The following LSM14A variants were observed in gnomAD, a reference collection of about 807,000 sequenced individuals.
LSM14A encodes LSM14A mRNA processing body assembly factor, also known as protein LSM14 homolog A.
Under a neutral mutation model 52.4 loss-of-function variants are expected in LSM14A, and 14 were observed. The observed-to-expected ratio is 0.27, with a 90% confidence interval of 0.18 to 0.42. The LOEUF (loss-of-function observed/expected upper bound fraction) is 0.42, where lower values mean the gene tolerates loss of function less well. Among genes scored for constraint, LSM14A ranks in the 10% least tolerant of loss-of-function variants. The pLI, the probability that LSM14A is intolerant of heterozygous loss-of-function variation, is 1.00. For missense variants in LSM14A, 417 were observed against 581.8 expected, an observed-to-expected ratio of 0.72 and a Z score of 2.91; for synonymous variants, 185 against 200.3, an observed-to-expected ratio of 0.92 and a Z score of 0.64.
In LSM14A at chr19:34,194,448, C is replaced by G. The variant is rs1160990580; in HGVS notation, c.122-30C>G. 1.9e-6 allele frequency: 3 copies of G among 1,604,140 alleles called. No homozygotes were observed. In the African/African-American group the frequency reaches 4.0e-5, roughly 21 times the overall value. On this transcript the variant is annotated intron_variant, in intron 1 of 9. Transcript: ENST00000544216. ...ACTACCTGAATGTGATGAGTAGTCA[C>G]ACATCTCATATCCTTTGTTTTCTTG...
In LSM14A at chr19:34,215,260, TG is replaced by T; in HGVS notation, c.676del (p.Ala226ProfsTer35). ...CTGTATCAACCAGGCCTTTGCCATC[TG>T]CCAGCCAAAAGGCAGGAGAGAATCA... ...SPVSTRPLPS[A>X]SQKAGENQEH... On this transcript the variant is annotated frameshift_variant, in exon 5 of 10. Transcript: ENST00000544216. LOFTEE classifies it high-confidence loss of function. 6.2e-7 allele frequency: 1 copy of T among 1,613,960 alleles called. No homozygotes were observed. Among genetic ancestry groups the T allele is most frequent in the South Asian group, 1.1e-5 (1 of 91,024 alleles).
intron 1 of LSM14A, among the ~76,000 whole-genome samples, chr19:34,182,194 G>C (rs776747989): frequency 2.2e-4 from 33 of 152,134 alleles, no homozygotes; most frequent in Non-Finnish European, 1.2e-4. Context: ...AATTTTACTT[G>C]AGTGAATCTT....
intron 4 of LSM14A, among the ~76,000 whole-genome samples, chr19:34,209,924 T>C (rs1246291177): frequency 6.6e-6 from 1 of 151,942 alleles, no homozygotes; most frequent in African/African-American, 2.4e-5. Flanking sequence ...GTGATCATAG[T>C]GCACTGCAGC....
rs1299204792 is a variant in LSM14A, at chr19:34,214,267, CCTAT to C, written c.539-853_539-850del. Among the ~76,000 whole-genome samples, 9 of 151,596 alleles carry C rather than the reference CCTAT, an allele frequency of 5.9e-5. No individual in the cohort carries two copies. The East Asian group carries it at 1.4e-3, about 23-fold the overall frequency. On this transcript the variant is annotated intron_variant, in intron 4 of 9. Coordinates refer to ENST00000544216, the MANE Select transcript of LSM14A (RefSeq NM_015578.4). ...GCCCCTAAAGCATTAAAGAACTTCACCTATCTAACTTTGTAGTTCTTTTACTTTA... is the reference window on the plus strand; with the variant it reads ...GCCCCTAAAGCATTAAAGAACTTCACCTAACTTTGTAGTTCTTTTACTTTA...
At chr19:34,192,316 GT>G (rs1306000214) in intron 1 of LSM14A, among the ~76,000 whole-genome samples, 10 of 65,812 alleles carry the variant, frequency 1.5e-4, no homozygotes, top group African/African-American at 5.2e-4. Flanking sequence ...CATTCTTTTT[GT>G]TGTTTTTTTT....
intron 2 of LSM14A, among the ~76,000 whole-genome samples, chr19:34,196,074 T>G (rs2070813572): frequency 6.6e-6 from 1 of 152,184 alleles, no homozygotes; most frequent in Non-Finnish European, 1.5e-5. Flanking sequence ...GAAGTATACA[T>G]GTATTAATAT....
chr19:34,217,065 G>T (rs1255166604), intron 6 of LSM14A, among the ~76,000 whole-genome samples: 1 of 152,068 alleles, frequency 6.6e-6, no homozygotes, highest in Non-Finnish European at 1.5e-5. Flanking sequence ...TTTGAGATCA[G>T]CCTGGCCATA....
intron 4 of LSM14A, among the ~76,000 whole-genome samples, chr19:34,213,423 A>G (rs1000901538): frequency 6.6e-5 from 10 of 152,202 alleles, no homozygotes; most frequent in Non-Finnish European, 1.5e-4. Context: ...AGATAATCAT[A>G]AATTGGGGAA....
intron 3 of LSM14A, among the ~76,000 whole-genome samples, chr19:34,203,977 A>G (rs1292195302): frequency 6.6e-6 from 1 of 152,126 alleles, no homozygotes; most frequent in Non-Finnish European, 1.5e-5. Flanking sequence ...GAAAGAATAG[A>G]AAAAGGTATA....
In LSM14A at chr19:34,172,520, C is replaced by T. The variant is rs535948308; in HGVS notation, c.-123C>T. ...GGGGAGGGTAGCGGAGCCGGCGCCG[C>T]CGCCATGTTGGGTCTGAAGCGGCTG... On this transcript the variant is annotated 5_prime_UTR_variant, in exon 1 of 10. Coordinates refer to ENST00000544216, the MANE Select transcript of LSM14A (RefSeq NM_015578.4). 22 of 1,135,680 alleles carry T rather than the reference C, an allele frequency of 1.9e-5. No individual in the cohort carries two copies. In the African/African-American group the frequency reaches 3.3e-4, roughly 17 times the overall value. 70.4% of individuals were successfully genotyped at this position (1,135,680 alleles called of 1,614,324 possible). A position where few individuals can be genotyped will look rare whatever the true frequency, so the allele number is the denominator to read the frequency against.
At chr19:34,193,292 C>T (rs2070591875) in intron 1 of LSM14A, among the ~76,000 whole-genome samples, 1 of 152,120 alleles carries the variant, frequency 6.6e-6, no homozygotes, top group Non-Finnish European at 1.5e-5. Context: ...GCTGGGACTA[C>T]AGGCATGCAC....
intron 1 of LSM14A, among the ~76,000 whole-genome samples, chr19:34,176,578 G>A (rs917568650): frequency 6.6e-6 from 1 of 152,084 alleles, no homozygotes; most frequent in Non-Finnish European, 1.5e-5. Context: ...TTAACTTTAT[G>A]TAAATAGGAT....
Position 34,225,025 on chromosome 19 carries a change from A to C in LSM14A, c.1369-2340A>C, listed in dbSNP as rs1468143442. Among the ~76,000 whole-genome samples the C allele has an allele frequency of 2.0e-5, 3 of 152,146 alleles. No homozygotes were observed. The East Asian group carries it at 5.8e-4, about 29-fold the overall frequency. On this transcript the variant is annotated intron_variant, in intron 9 of 9. Transcript: ENST00000544216. ...TCTGCTTTCTTTGGCACACATTTTA[A>C]ATACACTGACATTCCCTATTTTTTG...
intron 3 of LSM14A, among the ~76,000 whole-genome samples, chr19:34,201,912 C>G (rs1010354771): frequency 6.6e-6 from 1 of 152,054 alleles, no homozygotes; most frequent in Non-Finnish European, 1.5e-5. Flanking sequence ...GCCTAGACCT[C>G]CTGGGCTCAA....
chr19:34,219,756 G>C lies in LSM14A; in HGVS notation c.1015G>C (p.Asp339His), dbSNP rs374197276. The change falls in exon 8 of 10, where the codon GAC becomes CAC. Residue 339 changes from aspartate to histidine, a missense_variant. Physicochemically the swap from Asp to His is moderately conservative, Grantham distance 81. Coordinates refer to ENST00000544216, the MANE Select transcript of LSM14A (RefSeq NM_015578.4). The part of the protein sequence containing the change: ...EKPVNGEDKG[D>H]SGVDTQNSEG... ...GCCTGTAAATGGTGAAGATAAAGGA[G>C]ACTCAGGAGTTGATACCCAAAACAG... 3 of 1,613,788 alleles carry C rather than the reference G, an allele frequency of 1.9e-6. No individual in the cohort carries two copies. The highest frequency in any genetic ancestry group is 1.7e-5 in the Admixed American group (1 of 59,962).
intron 9 of LSM14A, chr19:34,226,525 A>G: frequency 7.3e-6 from 10 of 1,363,292 alleles, no homozygotes; most frequent in Middle Eastern, 1.8e-4. Context: ...CAGCAGGTTC[A>G]TCTTGTAGCT....
At chr19:34,197,707 C>T (rs1032701229) in intron 3 of LSM14A, among the ~76,000 whole-genome samples, 4 of 152,128 alleles carry the variant, frequency 2.6e-5, no homozygotes, top group African/African-American at 9.7e-5. Flanking sequence ...TCCCGAAGTG[C>T]TGGGATTACA....
intron 2 of LSM14A, 114 bp from the exon 3 acceptor site, chr19:34,196,520 A>G (rs2070849919): frequency 3.1e-6 from 3 of 982,614 alleles, no homozygotes; most frequent in African/African-American, 3.4e-5. Context: ...AATTCATTTT[A>G]TATCTAGTAG....
chr19:34,202,763 T>C lies in LSM14A; in HGVS notation c.415+6000T>C, dbSNP rs570199938. On this transcript the variant is annotated intron_variant, in intron 3 of 9. Coordinates refer to ENST00000544216, the MANE Select transcript of LSM14A (RefSeq NM_015578.4). ...TCCACCTCCCTGGTTCACGCCATTC[T>C]CCTGCCTCAGCCTCCCTAGTAGCTG... is the stretch of plus-strand genomic sequence containing the variant. Among the ~76,000 whole-genome samples, 120 of 152,258 alleles carry C rather than the reference T, an allele frequency of 7.9e-4. 1 individual carries two copies. Among genetic ancestry groups the C allele is most frequent in the African/African-American group, 2.9e-3 (120 of 41,554 alleles).
Sources: allele counts gnomAD v4.1 joint callset (sites outside exome capture counted in the v4.1 genomes callset), GRCh38; gene constraint gnomAD v4.1.1; transcripts MANE v1.5; gene names NCBI Gene and HGNC (gene_info 2026-07-23, HGNC 2026-07-21).